STRN3: variants seen among roughly 807,000 people sequenced by gnomAD.
The protein encoded by STRN3 is striatin-3.
Under a neutral mutation model 95.6 loss-of-function variants are expected in STRN3, and 29 were observed. That is an observed-to-expected ratio of 0.30 (90% CI 0.23 to 0.41). The LOEUF (loss-of-function observed/expected upper bound fraction) is 0.41. Among genes scored for constraint, STRN3 ranks in the 10% least tolerant of loss-of-function variants. STRN3 has a pLI of 1.00. For synonymous variants in STRN3, 331 were observed against 357.6 expected (o/e 0.93, Z 0.84); for missense variants, 890 against 972.1 (o/e 0.92, Z 1.12).
intron 1 of STRN3, among the ~76,000 whole-genome samples, chr14:31,011,676 G>A (rs956685231): frequency 1.3e-5 from 2 of 151,894 alleles, no homozygotes; most frequent in African/African-American, 2.4e-5. Flanking sequence ...AACATGTTAA[G>A]TGCTAACAAG....
At chr14:30,971,888 C>T (rs536213243) in intron 1 of STRN3, among the ~76,000 whole-genome samples, 48 of 152,224 alleles carry the variant, frequency 3.2e-4, no homozygotes, top group Non-Finnish European at 5.7e-4. Context: ...TAAGTAGATG[C>T]AGAGGCTCAT....
At chr14:30,969,686 T>G (rs1374133050) in intron 1 of STRN3, among the ~76,000 whole-genome samples, 1 of 152,138 alleles carries the variant, frequency 6.6e-6, no homozygotes, top group East Asian at 1.9e-4. Context: ...CACCAAAAAC[T>G]ATATATAAAG....
At chr14:30,983,631 A>G (rs1344277311) in intron 1 of STRN3, among the ~76,000 whole-genome samples, 1 of 152,244 alleles carries the variant, frequency 6.6e-6, no homozygotes, top group African/African-American at 2.4e-5. Flanking sequence ...GATTCCTCAG[A>G]TTTTATTAAT....
intron 1 of STRN3, among the ~76,000 whole-genome samples, chr14:31,011,687 G>T (rs1882975062): frequency 6.6e-6 from 1 of 152,092 alleles, no homozygotes; most frequent in South Asian, 2.1e-4. Context: ...TGCTAACAAG[G>T]AAATGACCAG....
intron 4 of STRN3, 83 bp downstream of exon 4, chr14:30,950,780 G>A: frequency 2.3e-6 from 3 of 1,280,788 alleles, no homozygotes; most frequent in Non-Finnish European, 2.2e-6. Flanking sequence ...GTCCCAATAT[G>A]ATTTTTTACT....
chr14:30,910,635 CA>C (rs1448278932), intron 13 of STRN3, among the ~76,000 whole-genome samples: 3 of 150,098 alleles, frequency 2.0e-5, no homozygotes, highest in African/African-American at 7.3e-5. Context: ...CTAAGAATAA[CA>C]AAAAAAATTT....
At chr14:31,021,031 A>G (rs1883480962) in intron 1 of STRN3, among the ~76,000 whole-genome samples, 1 of 152,194 alleles carries the variant, frequency 6.6e-6, no homozygotes, top group African/African-American at 2.4e-5. Context: ...ATCATGCTGG[A>G]ATCAATAAAA....
chr14:30,904,671 C>T (rs955191139), intron 15 of STRN3, among the ~76,000 whole-genome samples: 2 of 151,520 alleles, frequency 1.3e-5, no homozygotes, highest in Admixed American at 1.3e-4. Context: ...ATGAATGAAC[C>T]CAGGAAATAA....
chr14:30,898,172 C>T (rs1394547107), intron 16 of STRN3, among the ~76,000 whole-genome samples: 3 of 151,932 alleles, frequency 2.0e-5, no homozygotes, highest in East Asian at 1.9e-4. Context: ...AGACAGAATC[C>T]CGTATTGTTG....
At chr14:30,936,398 T>TG in intron 6 of STRN3, 97 bp downstream of exon 6, 1 of 1,354,718 alleles carries the variant, frequency 7.4e-7, no homozygotes, top group Non-Finnish European at 9.9e-7. Context: ...AAAGTAAAGA[T>TG]GATCAATCAC....
chr14:30,905,034 C>G (rs560419233), intron 15 of STRN3, among the ~76,000 whole-genome samples: 1 of 150,898 alleles, frequency 6.6e-6, no homozygotes, highest in South Asian at 2.1e-4. Context: ...AGAGACCTAT[C>G]AAACAACTGC....
intron 1 of STRN3, among the ~76,000 whole-genome samples, chr14:31,013,312 G>T (rs1300159420): frequency 3.3e-5 from 5 of 151,636 alleles, no homozygotes; most frequent in African/African-American, 4.9e-5. Flanking sequence ...GATAGAGGTC[G>T]CAGCCAGCCA....
chr14:30,923,005 T>C (rs933103668), intron 8 of STRN3, among the ~76,000 whole-genome samples: 4 of 152,222 alleles, frequency 2.6e-5, no homozygotes, highest in Admixed American at 2.0e-4. Flanking sequence ...ACATGCCTAG[T>C]TGAAAATAAC....
intron 4 of STRN3, 31 bp from the exon 5 acceptor site, chr14:30,947,294 A>G: frequency 6.6e-7 from 1 of 1,521,806 alleles, no homozygotes; most frequent in South Asian, 1.3e-5. Context: ...TAAAATCCAC[A>G]TACTGTTAAC....
At chr14:30,901,780 C>T (rs1014335205) in intron 16 of STRN3, among the ~76,000 whole-genome samples, 1 of 152,148 alleles carries the variant, frequency 6.6e-6, no homozygotes, top group African/African-American at 2.4e-5. Flanking sequence ...TTCAATACAA[C>T]TGGTATATTT....
chr14:30,934,054 G>A (rs907653694), intron 7 of STRN3, among the ~76,000 whole-genome samples: 13 of 152,262 alleles, frequency 8.5e-5, no homozygotes, highest in South Asian at 2.1e-4. Flanking sequence ...GGCCAGGCGC[G>A]GTGGTTCATG....
intron 1 of STRN3, among the ~76,000 whole-genome samples, chr14:31,003,803 A>T (rs1882584651): frequency 6.8e-6 from 1 of 147,304 alleles, no homozygotes; most frequent in Non-Finnish European, 1.5e-5. Flanking sequence ...TCTTAAAAAA[A>T]AAAAAAAAAA....
At chr14:31,019,168 C>T (rs982566188) in intron 1 of STRN3, among the ~76,000 whole-genome samples, 4 of 152,072 alleles carry the variant, frequency 2.6e-5, no homozygotes, top group Admixed American at 6.6e-5. Flanking sequence ...ATTAGCCAGG[C>T]GTGGTAGCAC....
At chr14:31,002,264 G>A (rs1161547770) in intron 1 of STRN3, among the ~76,000 whole-genome samples, 4 of 150,916 alleles carry the variant, frequency 2.7e-5, no homozygotes, top group Non-Finnish European at 4.4e-5. Flanking sequence ...ACAAGGTCAG[G>A]ATATCGAGAC....
Sources: gnomAD v4.1 joint callset for allele counts (sites outside exome capture counted in the v4.1 genomes callset) on GRCh38, gnomAD v4.1.1 for gene constraint, MANE v1.5 for transcripts, NCBI Gene and HGNC (gene_info 2026-07-23, HGNC 2026-07-21) for gene names.